The following TAS2R1 variants were observed in gnomAD, a reference collection of about 807,000 sequenced individuals.
TAS2R1 encodes the protein taste 2 receptor member 1, also known as taste receptor type 2 member 1.
For missense variants in TAS2R1, 370 were observed against 353.4 expected (o/e 1.05, Z -0.38); for synonymous variants, 141 against 134.2 (o/e 1.05, Z -0.35).
At chr5:9,722,326 AAATGCTGTCATTTT>A in the TAS2R1 span, among the ~76,000 whole-genome samples, 195 of 152,354 alleles carry the variant, frequency 1.3e-3, no homozygotes, top group African/African-American at 4.5e-3. Context: ...GTGAAATAAT[AAATGCTGTCATTTT>A]AAGCTACTAA....
At chr5:9,651,385 C>A (rs971885482) in intron 2 of TAS2R1, among the ~76,000 whole-genome samples, 20 of 151,944 alleles carry the variant, frequency 1.3e-4, no homozygotes, top group African/African-American at 3.9e-4. Context: ...AGAGACATAG[C>A]CAAACCAGAA....
At chr5:9,866,748 T>C in the TAS2R1 span, among the ~76,000 whole-genome samples, 1 of 152,246 alleles carries the variant, frequency 6.6e-6, no homozygotes, top group Non-Finnish European at 1.5e-5. Flanking sequence ...TTGCTTATAA[T>C]CTTAACTTCT....
chr5:9,744,009 A>G, the TAS2R1 span, among the ~76,000 whole-genome samples: 1 of 152,234 alleles, frequency 6.6e-6, no homozygotes, highest in Non-Finnish European at 1.5e-5. Context: ...TGTATTGCCT[A>G]CTATCCGATC....
chr5:9,874,054 T>C, the TAS2R1 span, among the ~76,000 whole-genome samples: 1 of 151,844 alleles, frequency 6.6e-6, no homozygotes, highest in East Asian at 1.9e-4. Context: ...GACAAAGTAC[T>C]ACATGGAGTG....
the TAS2R1 span, among the ~76,000 whole-genome samples, chr5:9,799,335 C>A: frequency 2.6e-5 from 4 of 152,320 alleles, no homozygotes; most frequent in Admixed American, 1.3e-4. Flanking sequence ...TCCTCAATCA[C>A]AAAATTATCT....
upstream of TAS2R1, among the ~76,000 whole-genome samples, chr5:9,715,878 T>C (rs75377480): frequency 4.9e-4 from 74 of 152,280 alleles, 1 homozygote; most frequent in African/African-American, 1.7e-3. Context: ...GATTGAAATA[T>C]AAGTGGGAGA....
chr5:9,778,382 A>C, the TAS2R1 span, among the ~76,000 whole-genome samples: 1 of 152,168 alleles, frequency 6.6e-6, no homozygotes, highest in Non-Finnish European at 1.5e-5. Flanking sequence ...GGATTTCAAA[A>C]TGGTAAATGA....
chr5:9,655,278 T>C lies in TAS2R1; in HGVS notation c.-81+4143A>G, dbSNP rs948513420. ...TTCCAAAACTTGTCAGTACAAACTT[T>C]ATAAGTCTCTTATGTATCTCAATAA... On this transcript the variant is annotated intron_variant, in intron 2 of 2. Coordinates refer to the TAS2R1 transcript ENST00000506620. Among the ~76,000 whole-genome samples, 7 of 152,216 alleles carry C rather than the reference T, an allele frequency of 4.6e-5. 1 individual carries two copies. The highest frequency in any genetic ancestry group is 8.8e-5 in the Non-Finnish European group (6 of 68,040).
intron 1 of TAS2R1, among the ~76,000 whole-genome samples, chr5:9,701,162 A>G (rs1180651953): frequency 6.6e-6 from 1 of 151,484 alleles, no homozygotes; most frequent in African/African-American, 2.4e-5. Flanking sequence ...GGAGAAGGGG[A>G]GACAAGGGAT....
At chr5:9,854,018 A>G in the TAS2R1 span, among the ~76,000 whole-genome samples, 1 of 152,238 alleles carries the variant, frequency 6.6e-6, no homozygotes, top group African/African-American at 2.4e-5. Context: ...CCAAAACTAG[A>G]TGGCTTAAAC....
the TAS2R1 span, among the ~76,000 whole-genome samples, chr5:9,879,257 C>A: frequency 6.6e-5 from 10 of 152,190 alleles, no homozygotes; most frequent in African/African-American, 2.4e-4. Flanking sequence ...CTGGGATGAA[C>A]CATATTGGAG....
chr5:9,776,279 C>T, the TAS2R1 span, among the ~76,000 whole-genome samples: 2 of 152,180 alleles, frequency 1.3e-5, no homozygotes, highest in Non-Finnish European at 2.9e-5. Flanking sequence ...CCCCCAAGTG[C>T]ATGGATTCTC....
intron 1 of TAS2R1, among the ~76,000 whole-genome samples, chr5:9,693,124 G>A (rs145947570): frequency 1.5e-3 from 227 of 152,208 alleles, no homozygotes; most frequent in African/African-American, 5.2e-3. Flanking sequence ...AGCTGAGATG[G>A]CTTTCTGCCT....
chr5:9,757,339 T>C, the TAS2R1 span, among the ~76,000 whole-genome samples: 1 of 152,198 alleles, frequency 6.6e-6, no homozygotes, highest in Admixed American at 6.5e-5. Flanking sequence ...TTCTCTGTCA[T>C]GACCTCTAGT....
the TAS2R1 span, among the ~76,000 whole-genome samples, chr5:9,901,658 G>A: frequency 6.6e-6 from 1 of 152,044 alleles, no homozygotes; most frequent in Non-Finnish European, 1.5e-5. Context: ...TGAATTGGAA[G>A]GGGAAAAGAC....
At chr5:9,887,346 AATG>A in the TAS2R1 span, among the ~76,000 whole-genome samples, 2 of 152,190 alleles carry the variant, frequency 1.3e-5, no homozygotes, top group Non-Finnish European at 2.9e-5. Context: ...CTTCCACTAT[AATG>A]ATGTCAAATG....
At chr5:9,766,057 C>A in the TAS2R1 span, among the ~76,000 whole-genome samples, 2 of 152,162 alleles carry the variant, frequency 1.3e-5, no homozygotes, top group Admixed American at 1.3e-4. Flanking sequence ...CAGATTTATT[C>A]TTCATTATCT....
chr5:9,681,112 T>G (rs1199044413), intron 1 of TAS2R1, among the ~76,000 whole-genome samples: 1 of 151,670 alleles, frequency 6.6e-6, no homozygotes, highest in African/African-American at 2.4e-5. Flanking sequence ...TAAAAATAAA[T>G]CTAACATGGT....
the TAS2R1 span, among the ~76,000 whole-genome samples, chr5:9,789,555 A>T: frequency 6.6e-6 from 1 of 152,356 alleles, no homozygotes; most frequent in South Asian, 2.1e-4. Flanking sequence ...TTCATTTTTC[A>T]AATGACTGAG....
Sources: allele counts gnomAD v4.1 joint callset (sites outside exome capture counted in the v4.1 genomes callset), GRCh38; gene constraint gnomAD v4.1.1; transcripts MANE v1.5; gene names NCBI Gene and HGNC (gene_info 2026-07-23, HGNC 2026-07-21).